Variants in SORBS3 observed in about 807,000 individuals in gnomAD.
SORBS3 encodes the protein vinexin.
Under a neutral mutation model 98.0 loss-of-function variants are expected in SORBS3, and 69 were observed. That is an observed-to-expected ratio of 0.70 (90% CI 0.58 to 0.86). The LOEUF (loss-of-function observed/expected upper bound fraction) is 0.86. Ranked by LOEUF, SORBS3 falls within the 40% of genes least tolerant of loss-of-function variation. The pLI, the probability that SORBS3 is intolerant of heterozygous loss-of-function variation, is 0.00. For synonymous variants in SORBS3, 394 were observed against 355.4 expected (o/e 1.11, Z -1.22); for missense variants, 954 against 908.5 (o/e 1.05, Z -0.64).
upstream of SORBS3, chr8:22,551,923 T>TGCCCTTCCTCCTC (rs1482905357): frequency 3.9e-5 from 38 of 985,246 alleles, no homozygotes; most frequent in Non-Finnish European, 4.6e-5. This position sits in a 1 kb window ranked among gnomAD's most constrained non-coding sequence, Gnocchi z 5.8. Context: ...CGCTTCTCCT[T>TGCCCTTCCTCCTC]GCCCTTCCTC....
chr8:22,574,227 C>T (rs1840668326), intron 20 of SORBS3, among the ~76,000 whole-genome samples: 1 of 152,180 alleles, frequency 6.6e-6, no homozygotes, highest in South Asian at 2.1e-4. Context: ...AGGCCTGGAT[C>T]GGAGTCCCAA....
chr8:22,561,426 C>T lies in SORBS3; in HGVS notation c.517+53C>T, dbSNP rs531499657. ...CCATAGCCCTGCGCCTGCGTCCGCC[C>T]CTCCCTGGGGCTGGGACTCGCAGCC... is the stretch of plus-strand genomic sequence containing the variant. On this transcript the variant is annotated intron_variant, in intron 6 of 20. Coordinates refer to ENST00000240123, the MANE Select transcript of SORBS3 (RefSeq NM_005775.5). 6 of 1,604,828 alleles carry T rather than the reference C, an allele frequency of 3.7e-6. No homozygotes were observed. The South Asian group carries it at 5.5e-5, about 15-fold the overall frequency.
intron 4 of SORBS3, 126 bp from the exon 5 acceptor site, chr8:22,558,003 T>C: frequency 1.2e-6 from 1 of 842,950 alleles, no homozygotes; most frequent in Non-Finnish European, 2.1e-6. Flanking sequence ...GAGAAGCATT[T>C]CCCAGCCCAC....
At chr8:22,553,423 A>C (rs1840124139) in intron 1 of SORBS3, among the ~76,000 whole-genome samples, 1 of 152,184 alleles carries the variant, frequency 6.6e-6, no homozygotes, top group Non-Finnish European at 1.5e-5. Flanking sequence ...CAAGACGCGG[A>C]GGGATGGACG....
In SORBS3 at chr8:22,556,878, C is replaced by T. The variant is rs142831190; in HGVS notation, c.384C>T (p.Asp128=). ...WVKYEGIGPV[D]ESGMPIAPRS... is the part of the protein sequence containing the mutation. ...AGTACGAGGGAATCGGGCCCGTGGACGAGAGCGGCATGCCCATTGCCCCCC... is the reference window on the plus strand; with the variant it reads ...AGTACGAGGGAATCGGGCCCGTGGATGAGAGCGGCATGCCCATTGCCCCCC... Residue 128 remains aspartate, a synonymous_variant, in exon 4 of 21, where the codon GAC becomes GAT. Coordinates refer to ENST00000240123, the MANE Select transcript of SORBS3 (RefSeq NM_005775.5). 270 of 1,613,210 alleles carry T rather than the reference C, an allele frequency of 1.7e-4. 1 individual carries two copies. Among genetic ancestry groups the T allele is most frequent in the Middle Eastern group, 8.2e-4 (5 of 6,062 alleles).
In SORBS3 at chr8:22,570,996, T is replaced by C. The variant is rs1291672278; in HGVS notation, c.1518T>C (p.Pro506=). ...GCACGGGGCGCCAAGGCATATTCCC[T>C]GCCAGCTACGTGCAGGTGTCTCGTG... ...ITGTGRQGIF[P]ASYVQVSREP... Residue 506 remains proline (P), a synonymous_variant, in exon 18 of 21, where the codon CCT becomes CCC. Transcript: ENST00000240123. The C allele has an allele frequency of 6.2e-6, 10 of 1,613,666 alleles. No homozygotes were observed. The highest frequency in any genetic ancestry group is 8.5e-6 in the Non-Finnish European group (10 of 1,179,942).
chr8:22,559,638 G>A (rs2117235715), intron 5 of SORBS3, among the ~76,000 whole-genome samples: 1 of 152,048 alleles, frequency 6.6e-6, no homozygotes, highest in South Asian at 2.1e-4. Flanking sequence ...GGGAGGCGGA[G>A]GTTGCAGTGA....
rs1840577765 is a variant in SORBS3, at chr8:22,571,295, C to T, written c.1743+74C>T. Reference sequence around the variant, plus strand: ...ATCCCCCACCCCCGTGACTTGTCCACACTTGGGACTCCTTCCCAGACAGCC... The same window carrying T: ...ATCCCCCACCCCCGTGACTTGTCCATACTTGGGACTCCTTCCCAGACAGCC... On this transcript the variant is annotated intron_variant, in intron 18 of 20. Coordinates refer to ENST00000240123, the MANE Select transcript of SORBS3 (RefSeq NM_005775.5). The T allele has an allele frequency of 7.1e-6, 6 of 848,910 alleles. No homozygotes were observed. In the Admixed American group the frequency reaches 1.0e-4, roughly 14 times the overall value. 52.6% of individuals were successfully genotyped at this position (848,910 alleles called of 1,614,324 possible).
At position 22,554,714 on chromosome 8, in the gene SORBS3, A is replaced by C; in HGVS notation, c.102+106A>C. The C allele has an allele frequency of 7.1e-7, 1 of 1,406,470 alleles. No homozygotes were observed. Among genetic ancestry groups the C allele is most frequent in the South Asian group, 1.3e-5 (1 of 74,576 alleles). 87.1% of individuals were successfully genotyped at this position (1,406,470 alleles called of 1,614,324 possible). Reference sequence around the variant, plus strand: ...GATGAAAGGGATGGAGGGAGGGCTGAAGAGAGCTCTGGGGGGCCTCGCTGG... The same window carrying C: ...GATGAAAGGGATGGAGGGAGGGCTGCAGAGAGCTCTGGGGGGCCTCGCTGG... On this transcript the variant is annotated intron_variant, in intron 2 of 20. Coordinates refer to ENST00000240123, the MANE Select transcript of SORBS3 (RefSeq NM_005775.5). This position sits in a 1 kb window ranked among gnomAD's most constrained non-coding sequence, Gnocchi z 6.5.
intron 20 of SORBS3, among the ~76,000 whole-genome samples, chr8:22,573,047 G>A (rs1840631212): frequency 6.6e-6 from 1 of 152,218 alleles, no homozygotes; most frequent in Admixed American, 6.5e-5. Flanking sequence ...AGAGAGAAGA[G>A]AGTGGCCAGA....
chr8:22,554,474 G>A lies in SORBS3; in HGVS notation c.-33G>A. ...CAGAGGACACGCAGAGGAGCAGCTG[G>A]CTTGCCCGGAGTCCTCCCACCTTGA... On this transcript the variant is annotated 5_prime_UTR_variant, in exon 2 of 21. Coordinates refer to ENST00000240123, the MANE Select transcript of SORBS3 (RefSeq NM_005775.5). This position sits in a 1 kb window ranked among gnomAD's most constrained non-coding sequence, Gnocchi z 6.5. 1 of 1,599,808 alleles carries A rather than the reference G, an allele frequency of 6.3e-7. No homozygotes were observed. Among genetic ancestry groups the A allele is most frequent in the Non-Finnish European group, 8.5e-7 (1 of 1,176,120 alleles).
intron 7 of SORBS3, 43 bp from the exon 8 acceptor site, chr8:22,563,944 C>T (rs758880634): frequency 6.7e-7 from 1 of 1,486,558 alleles, no homozygotes; most frequent in Non-Finnish European, 9.4e-7. Context: ...CTGCCTCAGT[C>T]TCCCTAAAAG....
Position 22,554,521 on chromosome 8 carries a change from C to T in SORBS3, c.15C>T (p.Pro5=), listed in dbSNP as rs907968226. The change falls in exon 2 of 21, where the codon CCC becomes CCT. Residue 5 remains proline, a synonymous_variant. Coordinates refer to ENST00000240123, the MANE Select transcript of SORBS3 (RefSeq NM_005775.5). This position sits in a 1 kb window ranked among gnomAD's most constrained non-coding sequence, Gnocchi z 6.5. ...TTGACCCAAGCATGCAGGGCCCACC[C>T]CGCAGCCTCCGCGCTGGGCTCAGCC... MQGP[P]RSLRAGLSLD... is the part of the protein sequence containing the mutation. 6.2e-7 allele frequency: 1 copy of T among 1,612,174 alleles called. No individual in the cohort carries two copies. The highest frequency in any genetic ancestry group is 8.5e-7 in the Non-Finnish European group (1 of 1,179,872).
chr8:22,573,717 G>A (rs1337742795), intron 20 of SORBS3, among the ~76,000 whole-genome samples: 1 of 152,232 alleles, frequency 6.6e-6, no homozygotes, highest in Non-Finnish European at 1.5e-5. Flanking sequence ...AAGTCAGGGT[G>A]CCAGCCTGGA....
intron 5 of SORBS3, among the ~76,000 whole-genome samples, chr8:22,558,559 C>T (rs1342984843): frequency 7.5e-6 from 1 of 133,806 alleles, no homozygotes; most frequent in African/African-American, 2.6e-5. Context: ...ATGCAGCCAA[C>T]CCTGGGGGTG....
intron 11 of SORBS3, 125 bp from the exon 12 acceptor site, chr8:22,565,701 T>G: frequency 1.6e-6 from 2 of 1,224,350 alleles, no homozygotes. Context: ...CGCGGGCGCC[T>G]CTAGGACCCC....
chr8:22,556,744 C>T lies in SORBS3; in HGVS notation c.250C>T (p.Pro84Ser). 1.2e-6 allele frequency: 2 copies of T among 1,613,788 alleles called. No individual in the cohort carries two copies. The highest frequency in any genetic ancestry group is 1.7e-6 in the Non-Finnish European group (2 of 1,180,020). Residue 84 changes from proline (P) to serine (S), a missense_variant, in exon 4 of 21, where the codon CCT becomes TCT. Coordinates refer to ENST00000240123, the MANE Select transcript of SORBS3 (RefSeq NM_005775.5). Reference protein sequence around the residue: ...DPAWYQTWPGPGSKPSASTKI... With the variant: ...DPAWYQTWPGSGSKPSASTKI... ...TGCGTGGTATCAGACCTGGCCAGGC[C>T]CTGGGAGCAAGCCCTCTGCAAGCAC...
upstream of SORBS3, among the ~76,000 whole-genome samples, chr8:22,550,508 G>A (rs1261537818): frequency 6.6e-6 from 1 of 152,214 alleles, no homozygotes; most frequent in East Asian, 1.9e-4. Flanking sequence ...GAGGCCAGCA[G>A]GCCTATCTGA....
intron 16 of SORBS3, among the ~76,000 whole-genome samples, chr8:22,568,517 G>A (rs1477938116): frequency 6.6e-6 from 1 of 152,114 alleles, no homozygotes; most frequent in Non-Finnish European, 1.5e-5. Flanking sequence ...CTCTTGTTTT[G>A]ATAGGTATCA....
Sources: gnomAD v4.1 joint callset for allele counts (sites outside exome capture counted in the v4.1 genomes callset) on GRCh38, gnomAD v4.1.1 for gene constraint, Gnocchi (gnomAD v3.1) non-coding constraint, MANE v1.5 for transcripts, NCBI Gene and HGNC (gene_info 2026-07-23, HGNC 2026-07-21) for gene names.